Variants in CDH4 observed in about 807,000 individuals in gnomAD.
CDH4 encodes cadherin 4, also known as cadherin-4.
In CDH4, 33 loss-of-function variants were observed where a neutral mutation model predicts 86.0. The ratio of observed to expected loss-of-function variants is 0.38; its 90% CI spans 0.29 to 0.51. The LOEUF (loss-of-function observed/expected upper bound fraction) is 0.51. CDH4 is among the 20% of genes least tolerant of loss of function. The pLI, the probability that CDH4 is intolerant of heterozygous loss-of-function variation, is 0.86. For missense variants in CDH4, 1,114 were observed against 1,307.4 expected, an observed-to-expected ratio of 0.85 and a Z score of 2.28; for synonymous variants, 555 against 549.4, an observed-to-expected ratio of 1.01 and a Z score of -0.14.
chr20:61,621,092 ATATCT>A (rs1177287205), intron 2 of CDH4, among the ~76,000 whole-genome samples: 1 of 152,226 alleles, frequency 6.6e-6, no homozygotes, highest in Non-Finnish European at 1.5e-5. Flanking sequence ...CTAGTGAAAC[ATATCT>A]TAAGATGGCG....
At chr20:61,806,644 G>T (rs1429165127) in intron 4 of CDH4, among the ~76,000 whole-genome samples, 1 of 152,224 alleles carries the variant, frequency 6.6e-6, no homozygotes, top group African/African-American at 2.4e-5. Flanking sequence ...GACTGGAATT[G>T]CTCAGGGGCT....
At chr20:61,593,143 C>T (rs552340383) in intron 2 of CDH4, among the ~76,000 whole-genome samples, 1 of 152,288 alleles carries the variant, frequency 6.6e-6, no homozygotes, top group Admixed American at 6.5e-5. Flanking sequence ...TACGGTAATG[C>T]TTGTGTGTCA....
At chr20:61,469,387 C>A (rs1323830108) in intron 2 of CDH4, among the ~76,000 whole-genome samples, 1 of 152,034 alleles carries the variant, frequency 6.6e-6, no homozygotes, top group East Asian at 1.9e-4. Flanking sequence ...CAGACCTTTG[C>A]CCATTTAAAA....
At position 61,855,902 on chromosome 20, in the gene CDH4, C is replaced by G. The variant is rs1019173457; in HGVS notation, c.877+3004C>G. On this transcript the variant is annotated intron_variant, in intron 6 of 15. Coordinates refer to ENST00000614565, the MANE Select transcript of CDH4 (RefSeq NM_001794.5). ...TGGACTCTCAGAGCCCCTGGGGGAT[C>G]GGGAGTCTGTCTCTGGTCCCACAAC... Among the ~76,000 whole-genome samples the G allele has an allele frequency of 2.0e-5, 3 of 152,286 alleles. No individual in the cohort carries two copies. In the East Asian group the frequency reaches 5.8e-4, roughly 29 times the overall value.
intron 2 of CDH4, among the ~76,000 whole-genome samples, chr20:61,450,970 A>G (rs2085375882): frequency 6.6e-6 from 1 of 151,928 alleles, no homozygotes; most frequent in Non-Finnish European, 1.5e-5. Flanking sequence ...CCAGATAGCC[A>G]TGATGCATCT....
intron 2 of CDH4, among the ~76,000 whole-genome samples, chr20:61,273,441 ATG>A (rs2084198829): frequency 2.0e-5 from 1 of 51,146 alleles, no homozygotes; most frequent in Non-Finnish European, 3.5e-5. Flanking sequence ...GGGGAGGACC[ATG>A]TGCAGTTTGG....
chr20:61,925,455 G>A (rs747426682), intron 11 of CDH4, among the ~76,000 whole-genome samples: 1 of 152,214 alleles, frequency 6.6e-6, no homozygotes, highest in Admixed American at 6.5e-5. Flanking sequence ...AGAATCAAAC[G>A]AGTCGGAGTC....
intron 4 of CDH4, among the ~76,000 whole-genome samples, chr20:61,783,784 G>C (rs75631248): frequency 2.3e-4 from 9 of 39,814 alleles, no homozygotes; most frequent in Admixed American, 7.3e-4. Flanking sequence ...GACAGTTCTC[G>C]AGGCCCTCAG....
intron 2 of CDH4, among the ~76,000 whole-genome samples, chr20:61,397,189 T>C (rs2085022433): frequency 2.0e-5 from 3 of 152,128 alleles, no homozygotes; most frequent in Admixed American, 6.5e-5. Context: ...GGATTACAGG[T>C]GTGCACCACC....
intron 2 of CDH4, among the ~76,000 whole-genome samples, chr20:61,691,549 T>C (rs981718735): frequency 6.6e-6 from 1 of 152,218 alleles, no homozygotes; most frequent in South Asian, 2.1e-4. Context: ...GGACATACTC[T>C]GAGAAATGCG....
intron 2 of CDH4, among the ~76,000 whole-genome samples, chr20:61,515,728 C>T (rs534427766): frequency 1.4e-4 from 22 of 152,308 alleles, no homozygotes; most frequent in Non-Finnish European, 2.9e-4. Context: ...CTTTTAGCTA[C>T]GACTGGGAAG....
chr20:61,788,832 A>G (rs1206605253), intron 4 of CDH4, among the ~76,000 whole-genome samples: 1 of 152,198 alleles, frequency 6.6e-6, no homozygotes, highest in Non-Finnish European at 1.5e-5. Context: ...AGCAAAGCCA[A>G]TGAGAAGTAG....
At chr20:61,642,330 C>T (rs1179189334) in intron 2 of CDH4, among the ~76,000 whole-genome samples, 3 of 152,018 alleles carry the variant, frequency 2.0e-5, no homozygotes, top group African/African-American at 7.2e-5. Flanking sequence ...AGGTGGATGG[C>T]AGAGGGGTGT....
chr20:61,903,041 GAC>G (rs1324933610), intron 8 of CDH4, among the ~76,000 whole-genome samples: 5 of 119,526 alleles, frequency 4.2e-5, no homozygotes, highest in African/African-American at 9.8e-5. Flanking sequence ...AAAAAAAAAA[GAC>G]ACACAGTATT....
intron 2 of CDH4, among the ~76,000 whole-genome samples, chr20:61,383,440 A>ATC (rs2084923046): frequency 1.4e-4 from 1 of 7,034 alleles, no homozygotes; most frequent in Admixed American, 1.8e-3. Flanking sequence ...ATCATATATG[A>ATC]ATATATATTC....
Position 61,910,541 on chromosome 20 carries a change from T to C in CDH4, c.1308T>C (p.Asp436=). The C allele has an allele frequency of 6.2e-7, 1 of 1,613,932 alleles. No homozygotes were observed. The highest frequency in any genetic ancestry group is 8.5e-7 in the Non-Finnish European group (1 of 1,180,006). The change falls in exon 9 of 16, where the codon GAT becomes GAC. Residue 436 remains aspartate (D), a synonymous_variant. Coordinates refer to ENST00000614565, the MANE Select transcript of CDH4 (RefSeq NM_001794.5). ...WNAVYRIISG[D]PSGHFSVRTD... ...CCGTTTACCGCATCATCAGTGGGGA[T>C]CCATCCGGGCACTTCAGCGTCCGCA...
chr20:61,394,181 A>T (rs1009694736), intron 2 of CDH4, among the ~76,000 whole-genome samples: 4 of 152,038 alleles, frequency 2.6e-5, no homozygotes, highest in African/African-American at 9.7e-5. Flanking sequence ...TTTCCTCTCT[A>T]ACCACAGCCC....
At chr20:61,833,534 A>G (rs867773686) in intron 4 of CDH4, among the ~76,000 whole-genome samples, 2 of 152,216 alleles carry the variant, frequency 1.3e-5, no homozygotes, top group African/African-American at 2.4e-5. Context: ...TGACAACACA[A>G]AAAGCCCAGA....
chr20:61,604,779 C>T (rs1040870516), intron 2 of CDH4, among the ~76,000 whole-genome samples: 12 of 152,170 alleles, frequency 7.9e-5, no homozygotes, highest in African/African-American at 2.7e-4. Context: ...TTCCATCCAG[C>T]AGCTTGCACT....
Sources: allele counts gnomAD v4.1 joint callset (sites outside exome capture counted in the v4.1 genomes callset), GRCh38; gene constraint gnomAD v4.1.1; transcripts MANE v1.5; gene names NCBI Gene and HGNC (gene_info 2026-07-23, HGNC 2026-07-21).